PSPH: variants seen among roughly 807,000 people sequenced by gnomAD.
The protein encoded by PSPH is L-3-phosphoserine phosphatase.
Under a neutral mutation model 23.4 loss-of-function variants are expected in PSPH, and 16 were observed. That is an observed-to-expected ratio of 0.68 (90% CI 0.46 to 1.04). The LOEUF (loss-of-function observed/expected upper bound fraction) is 1.04. Among genes scored for constraint, PSPH ranks in the 50% least tolerant of loss-of-function variants. The probability of loss-of-function intolerance (pLI) is 0.00; values close to 1 mark genes in which losing one functional copy is unlikely to be tolerated. For synonymous variants in PSPH, 68 were observed against 99.7 expected (o/e 0.68, Z 1.89); for missense variants, 223 against 273.7 (o/e 0.81, Z 1.31).
At chr7:56,027,129 C>T (rs900336960) in intron 3 of PSPH, among the ~76,000 whole-genome samples, 2 of 151,012 alleles carry the variant, frequency 1.3e-5, no homozygotes, top group African/African-American at 4.9e-5. Context: ...CGCTTGAACC[C>T]GGGAGGCAGA....
chr7:56,049,736 C>G (rs1184519417), intron 1 of PSPH, among the ~76,000 whole-genome samples: 1 of 149,646 alleles, frequency 6.7e-6, no homozygotes. Context: ...CTGTACCTGG[C>G]CTTTATTATT....
chr7:56,017,094 A>G (rs1347953357), intron 6 of PSPH, 140 bp downstream of exon 6: 26 of 1,456,590 alleles, frequency 1.8e-5, no homozygotes, highest in Non-Finnish European at 1.0e-5. Flanking sequence ...ACCAAAGGGC[A>G]AAAGACATCA....
At chr7:56,016,912 G>A (rs755967263) in intron 6 of PSPH, among the ~76,000 whole-genome samples, 27 of 152,094 alleles carry the variant, frequency 1.8e-4, no homozygotes, top group Non-Finnish European at 3.5e-4. Context: ...TGCTTCAAAT[G>A]CATAGAAGCT....
intron 3 of PSPH, among the ~76,000 whole-genome samples, chr7:56,027,636 G>A (rs1250547542): frequency 1.4e-5 from 2 of 146,024 alleles, no homozygotes; most frequent in Non-Finnish European, 3.0e-5. Flanking sequence ...GCAGTGAGCC[G>A]AGATCCCACC....
intron 1 of PSPH, among the ~76,000 whole-genome samples, chr7:56,045,986 G>C (rs1793187904): frequency 6.6e-6 from 1 of 151,556 alleles, no homozygotes; most frequent in South Asian, 2.1e-4. Flanking sequence ...TAGGATATTT[G>C]CATCAGTTCC....
chr7:56,046,673 ACTC>A (rs1310455925), intron 1 of PSPH, among the ~76,000 whole-genome samples: 2 of 151,948 alleles, frequency 1.3e-5, no homozygotes, highest in South Asian at 4.1e-4. Flanking sequence ...AGTCCCAGCT[ACTC>A]AAGAGGTTGA....
chr7:56,026,488 CAAAA>C (rs56089644), intron 3 of PSPH, among the ~76,000 whole-genome samples: 2 of 70,338 alleles, frequency 2.8e-5, no homozygotes, highest in Non-Finnish European at 2.6e-5. Flanking sequence ...GACTCCATCT[CAAAA>C]AAAAAAAAAA....
intron 1 of PSPH, among the ~76,000 whole-genome samples, chr7:56,046,105 C>T (rs983698957): frequency 2.6e-5 from 4 of 151,736 alleles, no homozygotes; most frequent in Non-Finnish European, 4.4e-5. Context: ...GAATCTATTG[C>T]TTTTGTTGTT....
chr7:56,013,847 C>G (rs1237085185), intron 7 of PSPH, among the ~76,000 whole-genome samples: 1 of 152,148 alleles, frequency 6.6e-6, no homozygotes, highest in African/African-American at 2.4e-5. Context: ...CAACATTTGG[C>G]CAGGCATGGT....
intron 1 of PSPH, among the ~76,000 whole-genome samples, chr7:56,039,793 ATT>A (rs1792255667): frequency 3.6e-5 from 5 of 137,810 alleles, no homozygotes; most frequent in African/African-American, 1.1e-4. Flanking sequence ...AAAAAAAAAA[ATT>A]AAAAAAAAAA....
intron 7 of PSPH, among the ~76,000 whole-genome samples, chr7:56,013,293 A>C (rs1208798138): frequency 6.6e-6 from 1 of 151,878 alleles, no homozygotes; most frequent in Non-Finnish European, 1.5e-5. Context: ...CCAAGGCAGG[A>C]AGATCACTTA....
chr7:56,012,308 C>T (rs1788002735), intron 7 of PSPH, among the ~76,000 whole-genome samples: 1 of 152,172 alleles, frequency 6.6e-6, no homozygotes, highest in Admixed American at 6.6e-5. Context: ...CATCCTGCCT[C>T]AGCCTCCTGA....
chr7:56,038,363 G>A (rs1247447832), intron 1 of PSPH, among the ~76,000 whole-genome samples: 2 of 152,060 alleles, frequency 1.3e-5, no homozygotes, highest in Non-Finnish European at 2.9e-5. Context: ...GGAGGCTGAG[G>A]GAGGAGAATG....
intron 3 of PSPH, among the ~76,000 whole-genome samples, chr7:56,029,211 A>G (rs1790613857): frequency 6.6e-6 from 1 of 152,262 alleles, no homozygotes; most frequent in Middle Eastern, 3.4e-3. Context: ...TCTGCTGAGT[A>G]AGGTCAGTTG....
intron 4 of PSPH, among the ~76,000 whole-genome samples, 165 bp downstream of exon 4, chr7:56,020,908 C>T (rs1465610697): frequency 6.6e-6 from 1 of 152,302 alleles, no homozygotes. Context: ...GTTTGTTTGC[C>T]ATAAATATTT....
chr7:56,050,845 T>C (rs779388791), intron 1 of PSPH, among the ~76,000 whole-genome samples: 3 of 152,160 alleles, frequency 2.0e-5, no homozygotes, highest in Non-Finnish European at 2.9e-5. Flanking sequence ...ACATGCCCTT[T>C]GGTGCCTTTT....
chr7:56,015,934 C>T (rs980929365), intron 6 of PSPH, among the ~76,000 whole-genome samples: 5 of 151,784 alleles, frequency 3.3e-5, no homozygotes, highest in African/African-American at 1.2e-4. Context: ...TCTGGGATTA[C>T]AGGCGTGAGC....
intron 6 of PSPH, among the ~76,000 whole-genome samples, chr7:56,016,211 C>A (rs187501483): frequency 6.6e-6 from 1 of 150,984 alleles, no homozygotes; most frequent in Non-Finnish European, 1.5e-5. Context: ...CCAGCGTGAC[C>A]AACATGATGA....
chr7:56,030,999 CAGG>C (rs1340842520), intron 3 of PSPH, among the ~76,000 whole-genome samples: 5 of 151,738 alleles, frequency 3.3e-5, no homozygotes, highest in African/African-American at 9.7e-5. Flanking sequence ...ATCATGAGGT[CAGG>C]AGATCGAGAC....
Sources: allele counts gnomAD v4.1 joint callset (sites outside exome capture counted in the v4.1 genomes callset), GRCh38; gene constraint gnomAD v4.1.1; transcripts MANE v1.5; gene names NCBI Gene and HGNC (gene_info 2026-07-23, HGNC 2026-07-21).